PRKG1: variants seen among roughly 807,000 people sequenced by gnomAD.
PRKG1 encodes protein kinase cGMP-dependent 1.
In PRKG1, 35 loss-of-function variants were observed where a neutral mutation model predicts 88.1. That is an observed-to-expected ratio of 0.40 (90% CI 0.30 to 0.53). PRKG1 has a LOEUF of 0.53. Ranked by LOEUF, PRKG1 falls within the 20% of genes least tolerant of loss-of-function variation. The pLI, the probability that PRKG1 is intolerant of heterozygous loss-of-function variation, is 0.59. For missense variants in PRKG1, 540 were observed against 839.8 expected, an observed-to-expected ratio of 0.64 and a Z score of 4.41; for synonymous variants, 303 against 292.5, an observed-to-expected ratio of 1.04 and a Z score of -0.37.
At chr10:51,590,598 G>A (rs7922215) in intron 3 of PRKG1, among the ~76,000 whole-genome samples, 10,909 of 152,138 alleles carry the variant, frequency 0.072, 1,282 homozygotes, top group African/African-American at 0.25. Flanking sequence ...TAATTGCTTA[G>A]CATAAAAATG....
rs71459405 is a variant in PRKG1, at chr10:51,138,675, GTTTTTTT to G, written c.312-14469_312-14463del. Among the ~76,000 whole-genome samples the G allele has an allele frequency of 1.0e-4, 7 of 68,532 alleles. No homozygotes were observed. The South Asian group carries it at 2.4e-3, about 24-fold the overall frequency. 45.0% of individuals were successfully genotyped at this position (68,532 alleles called of 152,430 possible). ...CCAGTCTTTTTGGACATTGAGTTTTGTTTTTTTTTTTTTTTTTTTTTTTTTTGAGACA... is the reference window on the plus strand; with the variant it reads ...CCAGTCTTTTTGGACATTGAGTTTTGTTTTTTTTTTTTTTTTTTTGAGACA... On this transcript the variant is annotated intron_variant, in intron 1 of 17. Transcript: ENST00000373980.
intron 2 of PRKG1, among the ~76,000 whole-genome samples, chr10:51,184,835 C>T (rs1175177392): frequency 6.6e-6 from 1 of 152,092 alleles, no homozygotes; most frequent in Non-Finnish European, 1.5e-5. Context: ...GCGTACCTCA[C>T]CCAGGTCAAG....
chr10:52,158,198 T>C (rs1838178222), intron 8 of PRKG1, among the ~76,000 whole-genome samples: 3 of 151,736 alleles, frequency 2.0e-5, no homozygotes, highest in African/African-American at 7.2e-5. Flanking sequence ...ATGATTTTTC[T>C]GTAGTCACCT....
intron 5 of PRKG1, among the ~76,000 whole-genome samples, chr10:52,017,665 CA>C (rs1467232343): frequency 1.3e-5 from 2 of 152,048 alleles, no homozygotes; most frequent in Non-Finnish European, 2.9e-5. Flanking sequence ...AGTAATTATC[CA>C]AATGGTGCAG....
At chr10:52,268,435 C>T (rs578260190) in intron 10 of PRKG1, among the ~76,000 whole-genome samples, 1 of 152,110 alleles carries the variant, frequency 6.6e-6, no homozygotes, top group East Asian at 1.9e-4. Flanking sequence ...AATCGGGTAT[C>T]TCAAACCCCT....
chr10:51,884,055 G>T (rs1404717371), intron 4 of PRKG1, among the ~76,000 whole-genome samples: 3 of 144,252 alleles, frequency 2.1e-5, no homozygotes, highest in South Asian at 2.2e-4. Context: ...AGAAGCTTTT[G>T]CCACTTCCAA....
chr10:52,005,620 C>T (rs960043804), intron 5 of PRKG1, among the ~76,000 whole-genome samples: 2 of 152,184 alleles, frequency 1.3e-5, no homozygotes, highest in African/African-American at 4.8e-5. Context: ...TCCACCCACC[C>T]CTGCCATTGG....
At chr10:51,411,306 G>A (rs910379248) in intron 2 of PRKG1, among the ~76,000 whole-genome samples, 2 of 152,144 alleles carry the variant, frequency 1.3e-5, no homozygotes, top group Admixed American at 1.3e-4. Context: ...TGGCCTACAA[G>A]TTAATTTTGA....
rs1841724096 is a variant in PRKG1 at position 52,271,281 on chromosome 10, A to AT, written c.1174-66dup. 4.6e-6 allele frequency: 7 copies of AT among 1,513,020 alleles called. No individual in the cohort carries two copies. In the Admixed American group the frequency reaches 1.3e-4, roughly 27 times the overall value. 93.7% of individuals were successfully genotyped at this position (1,513,020 alleles called of 1,614,324 possible). A position where few individuals can be genotyped will look rare whatever the true frequency, so the allele number is the denominator to read the frequency against. Reference sequence around the variant, plus strand: ...ATTTAAGTGCGCCATGTACCTGTTAATTTGGGGATAATAATGCACTCTTAC... The same window carrying AT: ...ATTTAAGTGCGCCATGTACCTGTTAATTTTGGGGATAATAATGCACTCTTAC... On this transcript the variant is annotated intron_variant, in intron 10 of 17. Transcript: ENST00000373980.
chr10:52,158,045 G>T (rs1254510147), intron 8 of PRKG1, among the ~76,000 whole-genome samples: 3 of 151,618 alleles, frequency 2.0e-5, no homozygotes, highest in Non-Finnish European at 1.5e-5. Context: ...CTGTGGAGAT[G>T]CCCTAAACTA....
At chr10:51,884,049 GC>G (rs1841502061) in intron 4 of PRKG1, among the ~76,000 whole-genome samples, 1 of 140,706 alleles carries the variant, frequency 7.1e-6, no homozygotes, top group African/African-American at 2.6e-5. Flanking sequence ...AAAAAAAGAA[GC>G]TTTTGCCACT....
intron 4 of PRKG1, among the ~76,000 whole-genome samples, chr10:51,870,220 TA>T (rs1841120792): frequency 1.3e-5 from 2 of 152,158 alleles, no homozygotes; most frequent in Non-Finnish European, 2.9e-5. Context: ...TGTTAGGAAA[TA>T]AGGTGTTATA....
rs1231507861 is a variant in PRKG1 at position 51,942,077 on chromosome 10, A to G, written c.762+34507A>G. Among the ~76,000 whole-genome samples the G allele has an allele frequency of 2.6e-5, 4 of 151,948 alleles. 1 individual carries two copies. The highest frequency in any genetic ancestry group is 7.3e-5 in the African/African-American group (3 of 41,274). ...GTTTACAGTCCCACCAACAGTGTAA[A>G]AGTGTTCCTATTTCTCCACAACCTC... On this transcript the variant is annotated intron_variant, in intron 5 of 17. Coordinates refer to ENST00000373980, the MANE Select transcript of PRKG1 (RefSeq NM_006258.4).
intron 5 of PRKG1, among the ~76,000 whole-genome samples, chr10:52,022,083 C>G (rs1845200554): frequency 6.6e-6 from 1 of 152,140 alleles, no homozygotes; most frequent in Non-Finnish European, 1.5e-5. Context: ...GATACTCTCT[C>G]AAGACTCTGA....
At chr10:51,116,674 G>A (rs1845130087) in intron 1 of PRKG1, among the ~76,000 whole-genome samples, 2 of 152,202 alleles carry the variant, frequency 1.3e-5, no homozygotes, top group African/African-American at 4.8e-5. Context: ...TGGGATGATG[G>A]TAGGAAGCAT....
At chr10:51,350,780 A>G (rs1842223778) in intron 2 of PRKG1, among the ~76,000 whole-genome samples, 2 of 152,280 alleles carry the variant, frequency 1.3e-5, no homozygotes, top group Middle Eastern at 3.4e-3. Context: ...TTTTTCTTTA[A>G]TATACTTTAA....
intron 3 of PRKG1, among the ~76,000 whole-genome samples, chr10:51,563,836 T>C (rs533162718): frequency 6.6e-6 from 1 of 152,252 alleles, no homozygotes; most frequent in Non-Finnish European, 1.5e-5. Flanking sequence ...ACCCAGGGAA[T>C]AGCTTGGTAT....
intron 1 of PRKG1, among the ~76,000 whole-genome samples, chr10:50,992,072 C>A (rs982135909): frequency 2.0e-5 from 3 of 152,060 alleles, no homozygotes; most frequent in African/African-American, 7.2e-5. Flanking sequence ...CGGACTCAGG[C>A]CACTGGACAT....
Position 51,450,239 on chromosome 10 carries a change from A to G in PRKG1, c.479-17484A>G, listed in dbSNP as rs1174157228. Among the ~76,000 whole-genome samples the G allele has an allele frequency of 6.6e-5, 10 of 152,158 alleles. No homozygotes were observed. In the South Asian group the frequency reaches 1.7e-3, roughly 25 times the overall value. On this transcript the variant is annotated intron_variant, in intron 2 of 17. Coordinates refer to ENST00000373980, the MANE Select transcript of PRKG1 (RefSeq NM_006258.4). ...ATGGTTAACATAAACGTGTTAAGAA[A>G]CAAAATTTTTTTTAAAGATTCAAGA... is the stretch of plus-strand genomic sequence containing the variant.
Sources: allele counts gnomAD v4.1 joint callset (sites outside exome capture counted in the v4.1 genomes callset), GRCh38; gene constraint gnomAD v4.1.1; transcripts MANE v1.5; gene names NCBI Gene and HGNC (gene_info 2026-07-23, HGNC 2026-07-21).